Variants in TUSC3 observed in about 807,000 individuals in gnomAD.
TUSC3 encodes the protein tumor suppressor candidate 3.
TUSC3 carries 45 observed loss-of-function variants against 44.8 expected under a neutral mutation model. That is an observed-to-expected ratio of 1.00 (90% CI 0.79 to 1.29). TUSC3 has a LOEUF of 1.29. Among genes scored for constraint, TUSC3 ranks in the 50% most tolerant of loss-of-function variants. The pLI, the probability that TUSC3 is intolerant of heterozygous loss-of-function variation, is 0.00. For missense variants in TUSC3, 519 were observed against 437.9 expected (o/e 1.19, Z -1.65); for synonymous variants, 212 against 152.9 (o/e 1.39, Z -2.85).
At chr8:15,672,744 G>A (rs572922751) in intron 5 of TUSC3, among the ~76,000 whole-genome samples, 2 of 152,086 alleles carry the variant, frequency 1.3e-5, no homozygotes, top group South Asian at 2.1e-4. Context: ...TTTAGATATC[G>A]TTTTTTATTT....
At chr8:15,418,630 C>T (rs1409040590) in intron 1 of TUSC3, among the ~76,000 whole-genome samples, 1 of 152,104 alleles carries the variant, frequency 6.6e-6, no homozygotes, top group African/African-American at 2.4e-5. Context: ...GGAGAGTAAT[C>T]GGTCAGATGA....
At chr8:15,773,277 G>C in the TUSC3 span, among the ~76,000 whole-genome samples, 6 of 152,164 alleles carry the variant, frequency 3.9e-5, no homozygotes, top group Non-Finnish European at 8.8e-5. Flanking sequence ...AGAGTTGCAG[G>C]ATACATGGTT....
At chr8:15,648,725 CAAAAAAAAA>C (rs58526383) in intron 2 of TUSC3, among the ~76,000 whole-genome samples, 128 of 26,154 alleles carry the variant, frequency 4.9e-3, no homozygotes, top group Middle Eastern at 0.071. Context: ...GACTCTGTGT[CAAAAAAAAA>C]AAAAAAAAAA....
At chr8:15,777,104 G>A in the TUSC3 span, among the ~76,000 whole-genome samples, 1 of 152,098 alleles carries the variant, frequency 6.6e-6, no homozygotes, top group Non-Finnish European at 1.5e-5. Context: ...TTGAAGAACA[G>A]GAAACAAAGA....
chr8:15,762,275 T>A (rs1178007411), intron 10 of TUSC3, among the ~76,000 whole-genome samples: 1 of 152,038 alleles, frequency 6.6e-6, no homozygotes, highest in East Asian at 1.9e-4. Flanking sequence ...AGTACTCTAA[T>A]TGTCCTACAA....
intron 2 of TUSC3, among the ~76,000 whole-genome samples, chr8:15,643,410 G>T (rs1281246211): frequency 4.1e-5 from 6 of 144,716 alleles, no homozygotes; most frequent in East Asian, 2.0e-4. Context: ...ACTGTTAGTT[G>T]TTTTTTTTTT....
At chr8:15,702,506 C>A (rs1298802316) in intron 6 of TUSC3, among the ~76,000 whole-genome samples, 1 of 152,080 alleles carries the variant, frequency 6.6e-6, no homozygotes, top group Non-Finnish European at 1.5e-5. Flanking sequence ...ATCAGCTGAA[C>A]AAATATTTGA....
chr8:15,518,312 C>T (rs947632471), intron 2 of TUSC3, among the ~76,000 whole-genome samples: 1 of 151,912 alleles, frequency 6.6e-6, no homozygotes, highest in Admixed American at 6.6e-5. Context: ...CTTTTATTTG[C>T]TATAATCTCA....
In TUSC3 at chr8:15,679,782, G is replaced by C. The variant is rs374102736; in HGVS notation, c.798+5946G>C. Among the ~76,000 whole-genome samples the C allele has an allele frequency of 3.3e-3, 502 of 152,190 alleles. 7 individuals are homozygous for C. The highest frequency in any genetic ancestry group is 0.012 in the African/African-American group (484 of 41,530). Reference sequence around the variant, plus strand: ...TAATTTTGTATATATGGAAAGCTAGGGATCGAGTTTCATTCTTTTGCATAT... The same window carrying C: ...TAATTTTGTATATATGGAAAGCTAGCGATCGAGTTTCATTCTTTTGCATAT... On this transcript the variant is annotated intron_variant, in intron 6 of 10. Coordinates refer to ENST00000503731, the MANE Select transcript of TUSC3 (RefSeq NM_006765.4).
chr8:15,579,020 C>T (rs1177373165), intron 1 of TUSC3, among the ~76,000 whole-genome samples: 1 of 151,814 alleles, frequency 6.6e-6, no homozygotes, highest in Non-Finnish European at 1.5e-5. Flanking sequence ...TTCAGAGATT[C>T]AACTTCTTCC....
At chr8:15,607,435 T>C (rs1053958989) in intron 1 of TUSC3, among the ~76,000 whole-genome samples, 1 of 152,142 alleles carries the variant, frequency 6.6e-6, no homozygotes, top group Non-Finnish European at 1.5e-5. Context: ...TACATACATT[T>C]GTAAAATAAT....
upstream of TUSC3, among the ~76,000 whole-genome samples, chr8:15,537,419 A>C (rs895111400): frequency 2.0e-5 from 3 of 152,078 alleles, no homozygotes; most frequent in African/African-American, 4.8e-5. Context: ...ACCAAGCTGC[A>C]CCCCGACCAC....
At chr8:15,800,235 G>C in the TUSC3 span, among the ~76,000 whole-genome samples, 5,321 of 152,200 alleles carry the variant, frequency 0.035, 133 homozygotes, top group East Asian at 0.13. Flanking sequence ...GCTCTTTGTA[G>C]CTTTCTTCTG....
chr8:15,571,093 A>T (rs1238153832), intron 1 of TUSC3, among the ~76,000 whole-genome samples: 2 of 151,122 alleles, frequency 1.3e-5, no homozygotes, highest in African/African-American at 2.4e-5. Flanking sequence ...AGCTGGGATT[A>T]TAGGTGCCTG....
chr8:15,651,849 C>G (rs1806922291), intron 3 of TUSC3, among the ~76,000 whole-genome samples: 3 of 152,176 alleles, frequency 2.0e-5, no homozygotes, highest in Non-Finnish European at 2.9e-5. Flanking sequence ...TCGATGTTGT[C>G]ATGGTTGTAT....
At chr8:15,667,148 G>C (rs1213686509) in intron 5 of TUSC3, among the ~76,000 whole-genome samples, 1 of 151,550 alleles carries the variant, frequency 6.6e-6, no homozygotes, top group African/African-American at 2.4e-5. Flanking sequence ...CAACTCAATA[G>C]TGGTTATAAA....
At chr8:15,702,392 G>A (rs1809443826) in intron 6 of TUSC3, among the ~76,000 whole-genome samples, 1 of 152,154 alleles carries the variant, frequency 6.6e-6, no homozygotes, top group African/African-American at 2.4e-5. Flanking sequence ...TGTTGAGAAA[G>A]TGTTTCATAT....
intron 2 of TUSC3, among the ~76,000 whole-genome samples, chr8:15,487,031 T>C (rs756440789): frequency 5.9e-5 from 9 of 152,206 alleles, no homozygotes; most frequent in Non-Finnish European, 8.8e-5. Context: ...AGCTTCAGTT[T>C]TTATACCAGC....
chr8:15,767,042 G>A (rs1027391058), downstream of TUSC3, among the ~76,000 whole-genome samples: 51 of 152,148 alleles, frequency 3.4e-4, no homozygotes, highest in African/African-American at 1.0e-3. Context: ...CCAGCAATAT[G>A]CTATATTGGA....
Sources: allele counts gnomAD v4.1 joint callset (sites outside exome capture counted in the v4.1 genomes callset), GRCh38; gene constraint gnomAD v4.1.1; transcripts MANE v1.5; gene names NCBI Gene and HGNC (gene_info 2026-07-23, HGNC 2026-07-21).